SCN8A: variants seen among roughly 807,000 people sequenced by gnomAD.
SCN8A encodes the protein sodium channel protein type 8 subunit alpha.
Under a neutral mutation model 184.1 loss-of-function variants are expected in SCN8A, and 30 were observed. That is an observed-to-expected ratio of 0.16 (90% CI 0.12 to 0.22). SCN8A has a LOEUF of 0.22. Among genes scored for constraint, SCN8A ranks in the 10% least tolerant of loss-of-function variants. SCN8A has a pLI of 1.00. For missense variants in SCN8A, 1,057 were observed against 2,498.9 expected (o/e 0.42, Z 12.30); for synonymous variants, 852 against 907.0 (o/e 0.94, Z 1.09).
intron 14 of SCN8A, among the ~76,000 whole-genome samples, chr12:51,752,838 T>C (rs58266615): frequency 0.092 from 14,050 of 152,252 alleles, 1,295 homozygotes; most frequent in African/African-American, 0.24. Flanking sequence ...ATAAGCTTGA[T>C]TTTAGTAGCC....
Position 51,662,844 on chromosome 12 carries a change from A to G in SCN8A, c.27A>G (p.Pro9=), listed in dbSNP as rs1204132838. The G allele has an allele frequency of 1.9e-6, 3 of 1,613,990 alleles. No individual in the cohort carries two copies. In the South Asian group the frequency reaches 3.3e-5, roughly 18 times the overall value. MAARLLAP[P]GPDSFKPFTP... ...TGGCAGCGCGGCTGCTTGCACCACC[A>G]GGCCCTGATAGTTTCAAGCCTTTCA... The change falls in exon 2 of 27, where the codon CCA becomes CCG. Residue 9 remains proline, a synonymous_variant. Transcript: ENST00000627620.
chr12:51,713,973 AG>A (rs1941924805), intron 11 of SCN8A, among the ~76,000 whole-genome samples: 2 of 151,836 alleles, frequency 1.3e-5, no homozygotes, highest in South Asian at 4.1e-4. Flanking sequence ...ACCAAAAAAA[AG>A]GGTTTTTTTT....
chr12:51,625,521 A>T lies in SCN8A; in HGVS notation c.-55+34162A>T, dbSNP rs561918899. ...TGAACCTGGTTTTCAGTTAACTTGG[A>T]TCAATAACTAGGTTGTGATTGCTGG... On this transcript the variant is annotated intron_variant, in intron 1 of 26. Transcript: ENST00000627620. 1.2e-4 allele frequency among the ~76,000 whole-genome samples: 19 copies of T among 152,300 alleles called. No individual in the cohort carries two copies. In the South Asian group the frequency reaches 3.9e-3, roughly 32 times the overall value.
intron 26 of SCN8A, among the ~76,000 whole-genome samples, chr12:51,802,211 T>C (rs1938574223): frequency 6.6e-6 from 1 of 152,092 alleles, no homozygotes; most frequent in African/African-American, 2.4e-5. Context: ...GAATCAGCAT[T>C]GTCTTGCTTC....
chr12:51,697,404 C>T (rs1941613598), intron 6 of SCN8A, among the ~76,000 whole-genome samples: 1 of 152,194 alleles, frequency 6.6e-6, no homozygotes, highest in South Asian at 2.1e-4. Flanking sequence ...TATTAAGTGG[C>T]TGCCTTTGTG....
intron 15 of SCN8A, among the ~76,000 whole-genome samples, chr12:51,764,409 C>T (rs1314874715): frequency 1.3e-5 from 2 of 152,046 alleles, no homozygotes; most frequent in African/African-American, 2.4e-5. Flanking sequence ...CCAAGGCGGG[C>T]GCATCACTTG....
At chr12:51,741,004 T>C (rs558396551) in intron 12 of SCN8A, among the ~76,000 whole-genome samples, 7 of 152,286 alleles carry the variant, frequency 4.6e-5, no homozygotes, top group African/African-American at 1.7e-4. Context: ...CAGGCTGGTC[T>C]CAAACTCCTG....
intron 2 of SCN8A, among the ~76,000 whole-genome samples, chr12:51,671,262 A>G (rs1011743602): frequency 6.6e-6 from 1 of 152,218 alleles, no homozygotes; most frequent in Admixed American, 6.5e-5. Context: ...TGGGGTGCTT[A>G]CAAAGAAACC....
rs764442022 is a variant in SCN8A, at chr12:51,765,923, T to C, written c.2797T>C (p.Leu933=). ...FHSFLIVFRV[L]CGEWIETMWD... is the part of the protein sequence containing the mutation. Reference sequence around the variant, plus strand: ...TTCCTTCCTCATTGTCTTTCGAGTGTTGTGCGGGGAGTGGATTGAGACCAT... The same window carrying C: ...TTCCTTCCTCATTGTCTTTCGAGTGCTGTGCGGGGAGTGGATTGAGACCAT... Residue 933 remains leucine, a synonymous_variant, in exon 16 of 27, where the codon TTG becomes CTG. Coordinates refer to ENST00000627620, the MANE Select transcript of SCN8A (RefSeq NM_001330260.2). 1 of 1,614,132 alleles carries C rather than the reference T, an allele frequency of 6.2e-7. No homozygotes were observed. The highest frequency in any genetic ancestry group is 1.1e-5 in the South Asian group (1 of 91,072).
chr12:51,633,133 G>A (rs1940235817), intron 1 of SCN8A, among the ~76,000 whole-genome samples: 2 of 152,206 alleles, frequency 1.3e-5, no homozygotes, highest in African/African-American at 4.8e-5. Flanking sequence ...CCAAGCTGTG[G>A]AAGAGGGTGC....
At chr12:51,713,074 T>C in intron 11 of SCN8A, 3 of 1,433,008 alleles carry the variant, frequency 2.1e-6, no homozygotes, top group Non-Finnish European at 2.9e-6. Context: ...ATCAACTGTA[T>C]CATGATCATC....
chr12:51,734,954 G>A (rs183213812), intron 12 of SCN8A, among the ~76,000 whole-genome samples: 5 of 152,348 alleles, frequency 3.3e-5, no homozygotes, highest in Admixed American at 2.0e-4. Flanking sequence ...TTAAGGTCAG[G>A]TGTGCCTGGG....
At chr12:51,760,754 A>G (rs2138854973) in intron 14 of SCN8A, among the ~76,000 whole-genome samples, 1 of 152,122 alleles carries the variant, frequency 6.6e-6, no homozygotes. Context: ...ACTTAACTGG[A>G]TCTCTTTGTG....
At position 51,687,136 on chromosome 12, in the gene SCN8A, C is replaced by A. The variant is rs2138712970; in HGVS notation, c.531C>A (p.Ile177=). 1 of 1,613,446 alleles carries A rather than the reference C, an allele frequency of 6.2e-7. No homozygotes were observed. The highest frequency in any genetic ancestry group is 8.5e-7 in the Non-Finnish European group (1 of 1,179,506). The change falls in exon 5 of 27, where the codon ATC becomes ATA. Residue 177 remains isoleucine, a synonymous_variant. Coordinates refer to ENST00000627620, the MANE Select transcript of SCN8A (RefSeq NM_001330260.2). The part of the protein sequence containing the change: ...GIYTFESLVK[I]IARGFCIDGF... ...ATACATTTGAATCACTAGTGAAAAT[C>A]ATTGCAAGAGGTTTCTGCATAGATG...
At chr12:51,679,893 T>G (rs1404192168) in intron 2 of SCN8A, among the ~76,000 whole-genome samples, 2 of 152,086 alleles carry the variant, frequency 1.3e-5, no homozygotes, top group African/African-American at 4.8e-5. Context: ...GTCGGGCTAA[T>G]TTTTGTATTT....
intron 1 of SCN8A, among the ~76,000 whole-genome samples, chr12:51,629,830 T>C (rs565131354): frequency 6.6e-6 from 1 of 152,218 alleles, no homozygotes; most frequent in South Asian, 2.1e-4. Flanking sequence ...GGATGACTAC[T>C]GTGAGGGAGA....
chr12:51,702,402 C>T (rs529646719), intron 8 of SCN8A, among the ~76,000 whole-genome samples: 49 of 151,692 alleles, frequency 3.2e-4, no homozygotes, highest in African/African-American at 1.1e-3. Context: ...GATTGAATTG[C>T]ACATTGATAT....
intron 1 of SCN8A, among the ~76,000 whole-genome samples, chr12:51,600,426 G>A (rs1258349149): frequency 1.3e-5 from 2 of 152,192 alleles, no homozygotes; most frequent in Non-Finnish European, 2.9e-5. Context: ...TGCAGGCTGA[G>A]TTAAAGGTAG....
intron 25 of SCN8A, among the ~76,000 whole-genome samples, chr12:51,790,744 ATGT>A (rs1393082636): frequency 6.6e-6 from 1 of 152,226 alleles, no homozygotes; most frequent in African/African-American, 2.4e-5. Context: ...AAGAATCAGC[ATGT>A]GAACCACATT....
Sources: gnomAD v4.1 joint callset for allele counts (sites outside exome capture counted in the v4.1 genomes callset) on GRCh38, gnomAD v4.1.1 for gene constraint, MANE v1.5 for transcripts, NCBI Gene and HGNC (gene_info 2026-07-23, HGNC 2026-07-21) for gene names.